Variants in ADCY3 observed in about 807,000 individuals in gnomAD.
The protein encoded by ADCY3 is adenylate cyclase 3, also known as adenylate cyclase type 3.
ADCY3 carries 70 observed loss-of-function variants against 119.4 expected under a neutral mutation model. The observed-to-expected ratio is 0.59, with a 90% confidence interval of 0.48 to 0.72. ADCY3 has a LOEUF of 0.72. Among genes scored for constraint, ADCY3 ranks in the 30% least tolerant of loss-of-function variants. The pLI is 0.00. For synonymous variants in ADCY3, 672 were observed against 621.4 expected (o/e 1.08, Z -1.21); for missense variants, 1,238 against 1,541.6 (o/e 0.80, Z 3.30).
In ADCY3 at chr2:24,840,178, G is replaced by A. The variant is rs527993120; in HGVS notation, c.1197-147C>T. 131 of 1,123,320 alleles carry A rather than the reference G, an allele frequency of 1.2e-4. 1 individual carries two copies. Among genetic ancestry groups the A allele is most frequent in the Middle Eastern group, 9.0e-4 (4 of 4,464 alleles). 69.6% of individuals were successfully genotyped at this position (1,123,320 alleles called of 1,614,324 possible). On this transcript the variant is annotated intron_variant, in intron 6 of 21. Transcript: ENST00000679454. ...AGGTCCCCACAGCTTGGTGTTGGGT[G>A]GGGGGTAAGGCAGGCCAGGGCCAGC...
chr2:24,821,466 C>T (rs746291134), intron 20 of ADCY3, 51 bp downstream of exon 20: 1 of 1,603,796 alleles, frequency 6.2e-7, no homozygotes, highest in Non-Finnish European at 8.5e-7. Context: ...GGGCCAGGCC[C>T]CTGCATGGGA....
intron 3 of ADCY3, among the ~76,000 whole-genome samples, chr2:24,848,455 C>T (rs1440355695): frequency 1.3e-5 from 2 of 152,170 alleles, no homozygotes; most frequent in Non-Finnish European, 2.9e-5. Flanking sequence ...GGGCTCTCAG[C>T]TCTGAAGGCT....
intron 13 of ADCY3, 136 bp from the exon 14 acceptor site, chr2:24,828,297 A>C (rs1243114276): frequency 3.8e-6 from 4 of 1,056,458 alleles, no homozygotes; most frequent in Non-Finnish European, 5.4e-6. Flanking sequence ...AAGATGGGGA[A>C]ATTTACCAGG....
intron 3 of ADCY3, among the ~76,000 whole-genome samples, chr2:24,868,506 C>T (rs1674584728): frequency 6.6e-6 from 1 of 151,830 alleles, no homozygotes; most frequent in Admixed American, 6.6e-5. Flanking sequence ...AAAAAATTAG[C>T]CGGGCGTGTT....
intron 2 of ADCY3, among the ~76,000 whole-genome samples, chr2:24,888,677 T>G (rs2148920444): frequency 6.6e-6 from 1 of 152,316 alleles, no homozygotes; most frequent in African/African-American, 2.4e-5. Flanking sequence ...AATTAGTATT[T>G]CTTGGCTCAT....
intron 13 of ADCY3, among the ~76,000 whole-genome samples, chr2:24,828,380 C>T (rs573085823): frequency 1.3e-5 from 2 of 152,268 alleles, no homozygotes; most frequent in Admixed American, 1.3e-4. Flanking sequence ...CACAAAAACT[C>T]TCTCGAGTAT....
rs146553503 is a variant in ADCY3 at position 24,820,741 on chromosome 2, C to T, written c.3235G>A (p.Val1079Ile). The part of the protein sequence containing the change: ...NVASRMESTG[V>I]MGNIQVVEET... Reference sequence around the variant, plus strand: ...GGACATACCTGAATGTTGCCCATGACCCCCGTGGACTCCATCCTGCTGGCT... The same window carrying T: ...GGACATACCTGAATGTTGCCCATGATCCCCGTGGACTCCATCCTGCTGGCT... The change falls in exon 21 of 22, where the codon GTC becomes ATC. Residue 1079 changes from valine to isoleucine, a missense_variant. Coordinates refer to ENST00000679454, the MANE Select transcript of ADCY3 (RefSeq NM_004036.5). 1.2e-3 allele frequency: 1,907 copies of T among 1,613,972 alleles called. 1 individual carries two copies. The highest frequency in any genetic ancestry group is 1.4e-3 in the Non-Finnish European group (1,635 of 1,180,002).
intron 2 of ADCY3, among the ~76,000 whole-genome samples, chr2:24,914,001 C>T (rs889808895): frequency 6.6e-6 from 1 of 151,880 alleles, no homozygotes; most frequent in Non-Finnish European, 1.5e-5. Flanking sequence ...CCCCATTGTC[C>T]GCACTCATTG....
At chr2:24,827,636 G>T in intron 14 of ADCY3, 28 bp from the exon 15 acceptor site, 1 of 1,568,878 alleles carries the variant, frequency 6.4e-7, no homozygotes, top group Non-Finnish European at 8.7e-7. Context: ...GCACAGTCAG[G>T]CCCCATCTGG....
chr2:24,843,577 C>T (rs1183302166), intron 3 of ADCY3, among the ~76,000 whole-genome samples: 1 of 152,238 alleles, frequency 6.6e-6, no homozygotes, highest in African/African-American at 2.4e-5. Context: ...GTAGATGCGA[C>T]AGAGACCGTA....
chr2:24,882,519 G>T (rs1676520147), intron 2 of ADCY3, among the ~76,000 whole-genome samples: 1 of 152,164 alleles, frequency 6.6e-6, no homozygotes, highest in Non-Finnish European at 1.5e-5. Context: ...TCTGCTCACA[G>T]CATTTCCTGT....
intron 3 of ADCY3, among the ~76,000 whole-genome samples, chr2:24,844,865 T>G (rs988238778): frequency 5.9e-5 from 9 of 152,196 alleles, no homozygotes; most frequent in Non-Finnish European, 1.3e-4. Flanking sequence ...GAATTGTATC[T>G]CCCAGAATTC....
chr2:24,905,989 G>A (rs925007064), intron 2 of ADCY3, among the ~76,000 whole-genome samples: 2 of 152,110 alleles, frequency 1.3e-5, no homozygotes, highest in East Asian at 3.9e-4. Context: ...CCTTCACTAC[G>A]CCGTAATTGT....
intron 3 of ADCY3, among the ~76,000 whole-genome samples, chr2:24,852,545 C>T (rs952422564): frequency 1.3e-5 from 2 of 152,230 alleles, no homozygotes; most frequent in Non-Finnish European, 2.9e-5. Flanking sequence ...GAGGGGCCCA[C>T]GTGGCAAAGC....
At chr2:24,909,768 T>G (rs1034805079) in intron 2 of ADCY3, among the ~76,000 whole-genome samples, 1 of 152,174 alleles carries the variant, frequency 6.6e-6, no homozygotes, top group African/African-American at 2.4e-5. Flanking sequence ...GCATCCCCCA[T>G]GTGCCTCCTG....
At chr2:24,851,311 C>T (rs192903032) in intron 3 of ADCY3, among the ~76,000 whole-genome samples, 29 of 152,320 alleles carry the variant, frequency 1.9e-4, no homozygotes, top group East Asian at 1.9e-4. Context: ...AAAGACAGAA[C>T]GGTCACCCTG....
Position 24,827,541 on chromosome 2 carries a change from C to G in ADCY3, c.2495+5G>C. 6.3e-7 allele frequency: 1 copy of G among 1,582,180 alleles called. No individual in the cohort carries two copies. ...CAGGCCAGGAGGGGAAGCCGTGGCC[C>G]TTACCTGTCAGTGCCATTGAGCCCA... On this transcript the variant is annotated splice_donor_5th_base_variant and intron_variant, in intron 15 of 21. Coordinates refer to ENST00000679454, the MANE Select transcript of ADCY3 (RefSeq NM_004036.5).
chr2:24,857,614 G>T (rs1046408932), intron 3 of ADCY3, among the ~76,000 whole-genome samples: 7 of 152,186 alleles, frequency 4.6e-5, no homozygotes, highest in Non-Finnish European at 1.0e-4. Context: ...TGCAGCTCTA[G>T]AACACTGTAG....
chr2:24,885,506 G>A (rs571979148), intron 2 of ADCY3, among the ~76,000 whole-genome samples: 1 of 152,132 alleles, frequency 6.6e-6, no homozygotes, highest in African/African-American at 2.4e-5. Context: ...CTGAACCAGC[G>A]CCAGCCTGCT....
Sources: gnomAD v4.1 joint callset for allele counts (sites outside exome capture counted in the v4.1 genomes callset) on GRCh38, gnomAD v4.1.1 for gene constraint, MANE v1.5 for transcripts, NCBI Gene and HGNC (gene_info 2026-07-23, HGNC 2026-07-21) for gene names.